NKAIN2: variants seen among roughly 807,000 people sequenced by gnomAD.
NKAIN2 encodes the protein sodium/potassium transporting ATPase interacting 2.
Under a neutral mutation model 32.6 loss-of-function variants are expected in NKAIN2, and 14 were observed. That is an observed-to-expected ratio of 0.43 (90% CI 0.28 to 0.67). The LOEUF is 0.67. NKAIN2 is among the 30% of genes least tolerant of loss of function. The pLI, the probability that NKAIN2 is intolerant of heterozygous loss-of-function variation, is 0.17. For synonymous variants in NKAIN2, 80 were observed against 87.2 expected (o/e 0.92, Z 0.46); for missense variants, 198 against 258.3 (o/e 0.77, Z 1.60).
intron 5 of NKAIN2, among the ~76,000 whole-genome samples, chr6:124,793,378 A>G (rs1779832875): frequency 6.6e-6 from 1 of 152,170 alleles, no homozygotes; most frequent in Non-Finnish European, 1.5e-5. Context: ...AAGGCAAAAT[A>G]TATACGGATT....
chr6:124,806,849 A>G (rs1432777053), intron 5 of NKAIN2, among the ~76,000 whole-genome samples: 1 of 152,132 alleles, frequency 6.6e-6, no homozygotes, highest in African/African-American at 2.4e-5. Context: ...CTAGTCTCTG[A>G]TAAAACAGAC....
At chr6:124,615,357 G>A (rs887669022) in intron 3 of NKAIN2, among the ~76,000 whole-genome samples, 5 of 152,138 alleles carry the variant, frequency 3.3e-5, no homozygotes, top group African/African-American at 4.8e-5. Flanking sequence ...TGCCAACAAA[G>A]TTAATTGTGT....
At chr6:124,503,970 A>G (rs1778385108) in intron 3 of NKAIN2, among the ~76,000 whole-genome samples, 1 of 152,178 alleles carries the variant, frequency 6.6e-6, no homozygotes, top group Non-Finnish European at 1.5e-5. Flanking sequence ...TTCATCCGGC[A>G]GAAATGTAAA....
chr6:124,772,379 A>G lies in NKAIN2; in HGVS notation c.475-18960A>G, dbSNP rs144725947. Among the ~76,000 whole-genome samples, 956 of 152,256 alleles carry G rather than the reference A, an allele frequency of 6.3e-3. 4 individuals carry two copies. The highest frequency in any genetic ancestry group is 0.01 in the Non-Finnish European group (698 of 68,016). On this transcript the variant is annotated intron_variant, in intron 4 of 6. Coordinates refer to ENST00000368417, the MANE Select transcript of NKAIN2 (RefSeq NM_001040214.3). ...GAGCAAGAGACGAGGGCCAGAGTTAAGGGGGAAGAGGACTCTGTGCTGTAC... is the reference window on the plus strand; with the variant it reads ...GAGCAAGAGACGAGGGCCAGAGTTAGGGGGGAAGAGGACTCTGTGCTGTAC...
chr6:124,210,276 A>G (rs1048931146), intron 1 of NKAIN2, among the ~76,000 whole-genome samples: 1 of 151,622 alleles, frequency 6.6e-6, no homozygotes, highest in African/African-American at 2.4e-5. Flanking sequence ...TGGGTTGTCT[A>G]TTCTGTTCCA....
chr6:124,430,409 A>T (rs1357978284), intron 3 of NKAIN2, among the ~76,000 whole-genome samples: 1 of 152,146 alleles, frequency 6.6e-6, no homozygotes, highest in Non-Finnish European at 1.5e-5. Flanking sequence ...TCTCTTATGG[A>T]GGTTGACTGG....
intron 1 of NKAIN2, among the ~76,000 whole-genome samples, chr6:124,279,571 C>T (rs1411176581): frequency 1.3e-5 from 2 of 149,994 alleles, no homozygotes; most frequent in Non-Finnish European, 3.0e-5. Context: ...GGTTTGAGGC[C>T]AGTGTAACCT....
At chr6:124,430,499 C>T (rs1420624880) in intron 3 of NKAIN2, among the ~76,000 whole-genome samples, 5 of 152,110 alleles carry the variant, frequency 3.3e-5, no homozygotes, top group African/African-American at 1.2e-4. Context: ...TTCTAAGGCA[C>T]ACTCACTCAC....
chr6:124,495,677 C>T, intron 3 of NKAIN2, among the ~76,000 whole-genome samples: 1 of 152,074 alleles, frequency 6.6e-6, no homozygotes, highest in East Asian at 1.9e-4. Context: ...TAATTTTCTT[C>T]AACCAAAGAA....
At chr6:124,815,239 T>C (rs1465140313) in intron 5 of NKAIN2, among the ~76,000 whole-genome samples, 1 of 143,510 alleles carries the variant, frequency 7.0e-6, no homozygotes, top group South Asian at 2.1e-4. Flanking sequence ...TATATATATA[T>C]ATGTATATAT....
At chr6:124,641,191 A>G (rs1783972668) in intron 3 of NKAIN2, among the ~76,000 whole-genome samples, 1 of 152,214 alleles carries the variant, frequency 6.6e-6, no homozygotes, top group African/African-American at 2.4e-5. Context: ...GGGTAACTCA[A>G]AGTATTAATT....
intron 3 of NKAIN2, among the ~76,000 whole-genome samples, chr6:124,445,911 G>T (rs1240037371): frequency 6.6e-6 from 1 of 152,082 alleles, no homozygotes; most frequent in Non-Finnish European, 1.5e-5. Flanking sequence ...CTAATTCTAT[G>T]TATATATAGT....
intron 2 of NKAIN2, among the ~76,000 whole-genome samples, chr6:124,347,164 C>T (rs1798467860): frequency 6.6e-6 from 1 of 152,184 alleles, no homozygotes; most frequent in African/African-American, 2.4e-5. Context: ...ATATTGGCCC[C>T]CACTCTCTTC....
At chr6:124,385,774 T>C (rs1239282841) in intron 3 of NKAIN2, among the ~76,000 whole-genome samples, 1 of 152,158 alleles carries the variant, frequency 6.6e-6, no homozygotes, top group Non-Finnish European at 1.5e-5. Flanking sequence ...TCTCAAATGC[T>C]GTTTCTCATA....
At chr6:124,287,478 A>G (rs565019945) in intron 2 of NKAIN2, among the ~76,000 whole-genome samples, 1 of 152,320 alleles carries the variant, frequency 6.6e-6, no homozygotes, top group South Asian at 2.1e-4. Flanking sequence ...TTAAAAACTT[A>G]AAACAGATAA....
At chr6:124,570,722 A>C (rs1399672410) in intron 3 of NKAIN2, among the ~76,000 whole-genome samples, 1 of 152,222 alleles carries the variant, frequency 6.6e-6, no homozygotes, top group Admixed American at 6.5e-5. Flanking sequence ...AACCTCTGCT[A>C]GGGCAGTATG....
At chr6:124,565,603 T>G (rs1301623485) in intron 3 of NKAIN2, among the ~76,000 whole-genome samples, 1 of 152,146 alleles carries the variant, frequency 6.6e-6, no homozygotes, top group Non-Finnish European at 1.5e-5. Context: ...CCACTTAGAG[T>G]TCCTTGATTT....
At chr6:124,642,123 A>G (rs1398707937) in intron 3 of NKAIN2, among the ~76,000 whole-genome samples, 1 of 152,156 alleles carries the variant, frequency 6.6e-6, no homozygotes, top group East Asian at 1.9e-4. Flanking sequence ...TTCATAATAT[A>G]GTGGAATGAA....
At chr6:124,369,548 T>C (rs1286507810) in intron 3 of NKAIN2, among the ~76,000 whole-genome samples, 2 of 152,158 alleles carry the variant, frequency 1.3e-5, no homozygotes, top group Non-Finnish European at 2.9e-5. Flanking sequence ...GTGTGATTTA[T>C]GTTTTCAGCT....
Sources: gnomAD v4.1 joint callset for allele counts (sites outside exome capture counted in the v4.1 genomes callset) on GRCh38, gnomAD v4.1.1 for gene constraint, MANE v1.5 for transcripts, NCBI Gene and HGNC (gene_info 2026-07-23, HGNC 2026-07-21) for gene names.